MBNL1: variants seen among roughly 807,000 people sequenced by gnomAD.
MBNL1 encodes the protein muscleblind-like protein 1.
MBNL1 carries 8 observed loss-of-function variants against 42.2 expected under a neutral mutation model. That is an observed-to-expected ratio of 0.19 (90% CI 0.11 to 0.34). MBNL1 has a LOEUF of 0.34. Ranked by LOEUF, MBNL1 falls within the 10% of genes least tolerant of loss-of-function variation. MBNL1 has a pLI of 1.00. For missense variants in MBNL1, 309 were observed against 495.3 expected, an observed-to-expected ratio of 0.62 and a Z score of 3.57; for synonymous variants, 169 against 173.9, an observed-to-expected ratio of 0.97 and a Z score of 0.22.
chr3:152,364,750 A>AG (rs949202845), intron 2 of MBNL1, among the ~76,000 whole-genome samples: 2 of 152,074 alleles, frequency 1.3e-5, no homozygotes, highest in Non-Finnish European at 2.9e-5. Flanking sequence ...TTGTAACCTG[A>AG]GGGGAAAAAA....
chr3:152,423,074 A>AGG (rs2098833078), intron 3 of MBNL1, among the ~76,000 whole-genome samples: 1 of 152,250 alleles, frequency 6.6e-6, no homozygotes, highest in South Asian at 2.1e-4. Flanking sequence ...AAAAGCTAGC[A>AGG]GAAGATAAAT....
chr3:152,268,654 G>C, upstream of MBNL1: 1 of 418,804 alleles, frequency 2.4e-6, no homozygotes, highest in Non-Finnish European at 4.8e-6. Flanking sequence ...CGCCCGCGCG[G>C]GCTCCGGCTT....
At chr3:152,253,353 T>C (rs2034956295) in intron 2 of MBNL1, among the ~76,000 whole-genome samples, 1 of 152,142 alleles carries the variant, frequency 6.6e-6, no homozygotes, top group Non-Finnish European at 1.5e-5. Context: ...GTTCCCAAAA[T>C]ATATTCCAAT....
Position 152,260,479 on chromosome 3 carries a change from C to T in MBNL1, n.333+16039C>T, listed in dbSNP as rs773550791. 1.2e-4 allele frequency among the ~76,000 whole-genome samples: 18 copies of T among 152,172 alleles called. No individual in the cohort carries two copies. In the East Asian group the frequency reaches 2.9e-3, roughly 24 times the overall value. ...AATTTAACTATGTTAATTTATTGAA[C>T]GAATTTATAAAATATATTGAATGTA... On this transcript the variant is annotated intron_variant and non_coding_transcript_variant, in intron 2 of 2. Transcript: ENST00000477171.
intron 4 of MBNL1, among the ~76,000 whole-genome samples, chr3:152,443,695 A>G (rs2099178119): frequency 6.6e-6 from 1 of 152,144 alleles, no homozygotes; most frequent in Admixed American, 6.6e-5. Context: ...CTTTTAAGTT[A>G]TAAATCTTGG....
intron 1 of MBNL1, among the ~76,000 whole-genome samples, chr3:152,296,293 G>A (rs1004867149): frequency 3.3e-5 from 5 of 152,126 alleles, no homozygotes; most frequent in African/African-American, 7.2e-5. Context: ...AAGACAGGGC[G>A]TGCATGTATA....
At chr3:152,376,338 C>T (rs1439090908) in intron 2 of MBNL1, among the ~76,000 whole-genome samples, 1 of 152,152 alleles carries the variant, frequency 6.6e-6, no homozygotes, top group Non-Finnish European at 1.5e-5. Flanking sequence ...CACATATTAT[C>T]TCGAGGAAAC....
intron 2 of MBNL1, among the ~76,000 whole-genome samples, chr3:152,382,490 A>G (rs1279775928): frequency 6.6e-6 from 1 of 152,098 alleles, no homozygotes; most frequent in East Asian, 1.9e-4. Flanking sequence ...AGCTTCAAGT[A>G]ATTTGAAGCG....
At chr3:152,448,134 G>C (rs1162395047) in intron 6 of MBNL1, among the ~76,000 whole-genome samples, 1 of 151,986 alleles carries the variant, frequency 6.6e-6, no homozygotes, top group Non-Finnish European at 1.5e-5. Flanking sequence ...ATTCCATAGA[G>C]TTAATTTAAA....
At position 152,253,821 on chromosome 3, in the gene MBNL1, C is replaced by A. The variant is rs543172814; in HGVS notation, n.333+9381C>A. Among the ~76,000 whole-genome samples, 7 of 152,212 alleles carry A rather than the reference C, an allele frequency of 4.6e-5. No individual in the cohort carries two copies. In the South Asian group the frequency reaches 1.4e-3, roughly 32 times the overall value. On this transcript the variant is annotated intron_variant and non_coding_transcript_variant, in intron 2 of 2. Transcript: ENST00000477171. ...TCTCCTAATAGATGCTTCCCGTGGT[C>A]CACTACATATTTAATTGTAGTATTC...
At chr3:152,282,005 C>A (rs1388790407) in intron 1 of MBNL1, among the ~76,000 whole-genome samples, 2 of 151,930 alleles carry the variant, frequency 1.3e-5, no homozygotes, top group East Asian at 1.9e-4. Flanking sequence ...TATATATATT[C>A]CATAAATGAT....
chr3:152,354,206 G>A (rs1006141294), intron 2 of MBNL1, among the ~76,000 whole-genome samples: 13 of 152,100 alleles, frequency 8.5e-5, no homozygotes, highest in African/African-American at 2.9e-4. Context: ...AAAATATTAC[G>A]TACCTTAGGA....
intron 2 of MBNL1, among the ~76,000 whole-genome samples, chr3:152,257,112 G>A (rs370779946): frequency 1.3e-5 from 2 of 152,064 alleles, no homozygotes; most frequent in African/African-American, 4.8e-5. Context: ...CCATACTATC[G>A]GATTATTGCA....
intron 2 of MBNL1, among the ~76,000 whole-genome samples, chr3:152,339,046 C>G (rs2092306562): frequency 6.6e-6 from 1 of 151,836 alleles, no homozygotes; most frequent in African/African-American, 2.4e-5. Context: ...TTTTATTTGC[C>G]TCTGTGTTAA....
chr3:152,264,347 G>C (rs1288501933), upstream of MBNL1: 3 of 151,822 alleles, frequency 2.0e-5, no homozygotes, highest in Non-Finnish European at 2.9e-5. Context: ...AGAAAGAAAG[G>C]ATGAAAAAAT....
chr3:152,269,062 T>C lies in MBNL1; in HGVS notation c.-820T>C, dbSNP rs1352366413. 2.2e-6 allele frequency: 1 copy of C among 455,526 alleles called. No individual in the cohort carries two copies. Among genetic ancestry groups the C allele is most frequent in the Non-Finnish European group, 4.4e-6 (1 of 226,782 alleles). 28.2% of individuals were successfully genotyped at this position (455,526 alleles called of 1,614,324 possible). ...AATGCCTTGGGCACTTGGTCGACAG[T>C]GGGGCCGCCTCTGAAAAAAAAATGT... On this transcript the variant is annotated 5_prime_UTR_variant, in exon 1 of 10. Coordinates refer to ENST00000324210, the MANE Select transcript of MBNL1 (RefSeq NM_021038.5).
chr3:152,285,948 A>C (rs1204618753), intron 1 of MBNL1, among the ~76,000 whole-genome samples: 1 of 151,836 alleles, frequency 6.6e-6, no homozygotes, highest in African/African-American at 2.4e-5. Flanking sequence ...TTTTAATTAA[A>C]GAACCAAATG....
chr3:152,438,174 C>A (rs551433775), intron 4 of MBNL1, among the ~76,000 whole-genome samples: 42 of 152,236 alleles, frequency 2.8e-4, no homozygotes, highest in Admixed American at 2.5e-3. Context: ...TTCATGAATG[C>A]ATTCATTCTC....
intron 8 of MBNL1, among the ~76,000 whole-genome samples, chr3:152,457,019 T>C (rs570577933): frequency 1.3e-5 from 2 of 152,272 alleles, no homozygotes; most frequent in South Asian, 4.1e-4. Context: ...GTATGGCAAA[T>C]TGACAGTCAT....
Sources: allele counts gnomAD v4.1 joint callset (sites outside exome capture counted in the v4.1 genomes callset), GRCh38; gene constraint gnomAD v4.1.1; transcripts MANE v1.5; gene names NCBI Gene and HGNC (gene_info 2026-07-23, HGNC 2026-07-21).